Variants in SIPA1L3 observed in about 807,000 individuals in gnomAD.
SIPA1L3 encodes signal induced proliferation associated 1 like 3.
A neutral mutation model predicts 150.1 loss-of-function variants in SIPA1L3; 59 were observed. That is an observed-to-expected ratio of 0.39 (90% CI 0.32 to 0.49). The LOEUF is 0.49. Ranked by LOEUF, SIPA1L3 falls within the 20% of genes least tolerant of loss-of-function variation. The pLI is 0.86. For missense variants in SIPA1L3, 2,211 were observed against 2,489.5 expected, an observed-to-expected ratio of 0.89 and a Z score of 2.38; for synonymous variants, 1,070 against 1,077.6, an observed-to-expected ratio of 0.99 and a Z score of 0.14.
At chr19:37,946,983 C>T (rs2046717449) in intron 1 of SIPA1L3, among the ~76,000 whole-genome samples, 1 of 151,046 alleles carries the variant, frequency 6.6e-6, no homozygotes, top group South Asian at 2.1e-4. Context: ...GCCAAGAGGC[C>T]AGGAGTTTGA....
Position 38,152,986 on chromosome 19 carries a change from G to T in SIPA1L3, c.3661+19G>T. 6.2e-7 allele frequency: 1 copy of T among 1,608,234 alleles called. No individual in the cohort carries two copies. The highest frequency in any genetic ancestry group is 1.1e-5 in the South Asian group (1 of 90,400). ...AAGCCAGGTAGGGCCCCCACCAGCT[G>T]CTGCGCCCACCCGCCTGCCTCACTC... On this transcript the variant is annotated intron_variant, in intron 13 of 21. Transcript: ENST00000222345.
At chr19:38,031,137 T>C (rs1418335892) in intron 2 of SIPA1L3, among the ~76,000 whole-genome samples, 1 of 152,168 alleles carries the variant, frequency 6.6e-6, no homozygotes, top group Non-Finnish European at 1.5e-5. Flanking sequence ...TACTTTTATT[T>C]TGAAGTGATT....
intron 1 of SIPA1L3, among the ~76,000 whole-genome samples, chr19:37,940,974 TA>T (rs1313006574): frequency 1.3e-5 from 2 of 152,154 alleles, no homozygotes; most frequent in Non-Finnish European, 2.9e-5. Context: ...TGACCGATCA[TA>T]TCCCTGTTGC....
intron 2 of SIPA1L3, among the ~76,000 whole-genome samples, chr19:38,072,916 T>G (rs898563191): frequency 2.6e-5 from 4 of 152,210 alleles, no homozygotes; most frequent in African/African-American, 9.6e-5. Context: ...CTTGCTTGCT[T>G]GTCGCAGGGG....
At chr19:37,913,160 C>T (rs995518192) in intron 1 of SIPA1L3, among the ~76,000 whole-genome samples, 3 of 152,068 alleles carry the variant, frequency 2.0e-5, no homozygotes, top group East Asian at 1.9e-4. Context: ...GTCTTTACCT[C>T]GGGGGTCGCT....
chr19:37,923,361 A>T, intron 1 of SIPA1L3, among the ~76,000 whole-genome samples: 1 of 152,194 alleles, frequency 6.6e-6, no homozygotes, highest in Non-Finnish European at 1.5e-5. Flanking sequence ...GGCGCTATGG[A>T]GTAGGCTATT....
At chr19:38,117,430 A>T (rs1568558677) in intron 8 of SIPA1L3, among the ~76,000 whole-genome samples, 2 of 151,770 alleles carry the variant, frequency 1.3e-5, no homozygotes, top group African/African-American at 4.8e-5. Flanking sequence ...GACCAGCCTG[A>T]CCAACATGGC....
At chr19:37,946,833 C>T (rs557871066) in intron 1 of SIPA1L3, among the ~76,000 whole-genome samples, 15 of 152,030 alleles carry the variant, frequency 9.9e-5, no homozygotes, top group East Asian at 3.9e-4. Flanking sequence ...AGTTATTTTA[C>T]GGCTTTGTTT....
At chr19:37,939,043 A>G (rs1018820628) in intron 1 of SIPA1L3, among the ~76,000 whole-genome samples, 2 of 151,986 alleles carry the variant, frequency 1.3e-5, no homozygotes, top group African/African-American at 4.8e-5. Context: ...TCCTTTCTGT[A>G]GTTGTTTTCT....
At chr19:37,918,878 A>G (rs954621032) in intron 1 of SIPA1L3, among the ~76,000 whole-genome samples, 10 of 137,982 alleles carry the variant, frequency 7.2e-5, no homozygotes, top group Admixed American at 2.3e-4. Flanking sequence ...CTCAAAATAA[A>G]TAAATAAATA....
chr19:38,012,507 G>A (rs534758463), intron 1 of SIPA1L3, among the ~76,000 whole-genome samples: 1 of 152,250 alleles, frequency 6.6e-6, no homozygotes, highest in East Asian at 1.9e-4. Flanking sequence ...AGAGTGTGGG[G>A]TGAGGGGCAG....
At chr19:38,172,695 G>A (rs1452310607) in intron 15 of SIPA1L3, among the ~76,000 whole-genome samples, 1 of 152,166 alleles carries the variant, frequency 6.6e-6, no homozygotes, top group Non-Finnish European at 1.5e-5. Flanking sequence ...AGCATAGTGA[G>A]GTGGCAGGAG....
chr19:37,996,227 C>T (rs1355022763), intron 1 of SIPA1L3, among the ~76,000 whole-genome samples: 1 of 151,944 alleles, frequency 6.6e-6, no homozygotes, highest in East Asian at 1.9e-4. Flanking sequence ...CACACCCAGC[C>T]AGTATTTATT....
At chr19:38,175,229 C>G (rs2146007534) in intron 15 of SIPA1L3, among the ~76,000 whole-genome samples, 1 of 152,140 alleles carries the variant, frequency 6.6e-6, no homozygotes, top group South Asian at 2.1e-4. Flanking sequence ...AGAACAAGGC[C>G]AGGCAGCTTC....
At chr19:37,970,059 AC>A (rs1458661654) in intron 1 of SIPA1L3, among the ~76,000 whole-genome samples, 2 of 152,194 alleles carry the variant, frequency 1.3e-5, no homozygotes, top group Non-Finnish European at 2.9e-5. Context: ...AAAACAAAAA[AC>A]CTTTATTAAA....
chr19:37,921,089 C>T (rs888485116), intron 1 of SIPA1L3, among the ~76,000 whole-genome samples: 1 of 152,178 alleles, frequency 6.6e-6, no homozygotes, highest in African/African-American at 2.4e-5. Context: ...CCCACAGCAC[C>T]GCGGCAGGAG....
chr19:37,926,669 C>T (rs1415990696), intron 1 of SIPA1L3, among the ~76,000 whole-genome samples: 1 of 152,142 alleles, frequency 6.6e-6, no homozygotes, highest in Non-Finnish European at 1.5e-5. Context: ...CGTTGTGGAA[C>T]CAGGGCACTG....
Position 38,083,053 on chromosome 19 carries a change from T to C in SIPA1L3, c.1488T>C (p.His496=), listed in dbSNP as rs1025111257. 4 of 1,612,688 alleles carry C rather than the reference T, an allele frequency of 2.5e-6. No individual in the cohort carries two copies. The highest frequency in any genetic ancestry group is 3.4e-6 in the Non-Finnish European group (4 of 1,179,964). Residue 496 remains histidine (H), a synonymous_variant, in exon 3 of 22, where the codon CAT becomes CAC. Transcript: ENST00000222345. ...GGCCCCGGCAGTACAGCATCGAGCA[T>C]GTGGACCTGGGCGCCCGCTACTACC... ...QSRPRQYSIE[H]VDLGARYYQD...
intron 1 of SIPA1L3, among the ~76,000 whole-genome samples, chr19:37,978,902 G>A (rs1395913222): frequency 6.6e-6 from 1 of 152,124 alleles, no homozygotes; most frequent in African/African-American, 2.4e-5. Flanking sequence ...CTTGAGTCCA[G>A]GAGGTTGAGG....
Sources: gnomAD v4.1 joint callset for allele counts (sites outside exome capture counted in the v4.1 genomes callset) on GRCh38, gnomAD v4.1.1 for gene constraint, MANE v1.5 for transcripts, NCBI Gene and HGNC (gene_info 2026-07-23, HGNC 2026-07-21) for gene names.